Variants in ACBD6 observed in about 807,000 individuals in gnomAD.
ACBD6 encodes acyl-CoA binding domain containing 6.
ACBD6 carries 28 observed loss-of-function variants against 37.2 expected under a neutral mutation model. The ratio of observed to expected loss-of-function variants is 0.75; its 90% CI spans 0.56 to 1.03. ACBD6 has a LOEUF of 1.03. Among genes scored for constraint, ACBD6 ranks in the 50% least tolerant of loss-of-function variants. ACBD6 has a pLI of 0.00. For synonymous variants in ACBD6, 113 were observed against 126.8 expected, an observed-to-expected ratio of 0.89 and a Z score of 0.73; for missense variants, 340 against 337.4, an observed-to-expected ratio of 1.01 and a Z score of -0.06.
At chr1:180,278,316 T>G (rs1254474011) in intron 9 of ACBD6, 1 of 144,598 alleles carries the variant, frequency 6.9e-6, no homozygotes, top group Admixed American at 7.1e-5. Flanking sequence ...TGCTGAAAGC[T>G]AAATGAAAAG....
chr1:180,407,325 A>G (rs552519904), intron 5 of ACBD6, among the ~76,000 whole-genome samples: 3 of 152,350 alleles, frequency 2.0e-5, no homozygotes, highest in East Asian at 1.9e-4. Context: ...CTGCATGGTT[A>G]ACAAACTGGA....
In ACBD6 at chr1:180,319,469, C is replaced by A. The variant is rs374742309; in HGVS notation, c.664-4747G>T. Among the ~76,000 whole-genome samples the A allele has an allele frequency of 7.2e-4, 109 of 152,204 alleles. 4 individuals are homozygous for A. The South Asian group carries it at 0.022, about 31-fold the overall frequency. ...CATCATGATAAATGGGGTATCCATC[C>A]CCTCAAGCATTTATCCTTTGTGTTA... is the stretch of plus-strand genomic sequence containing the variant. On this transcript the variant is annotated intron_variant, in intron 6 of 7. Coordinates refer to ENST00000367595, the MANE Select transcript of ACBD6 (RefSeq NM_032360.4).
chr1:180,487,987 C>T (rs1312440828), intron 3 of ACBD6, among the ~76,000 whole-genome samples: 1 of 151,778 alleles, frequency 6.6e-6, no homozygotes, highest in African/African-American at 2.4e-5. Context: ...TAAGGAGGGA[C>T]CACTGCATAA....
At chr1:180,494,297 G>GA (rs1330833330) in intron 2 of ACBD6, among the ~76,000 whole-genome samples, 2 of 151,952 alleles carry the variant, frequency 1.3e-5, no homozygotes, top group Admixed American at 6.6e-5. Context: ...AAACAATGGA[G>GA]AAACAGGCAA....
intron 6 of ACBD6, among the ~76,000 whole-genome samples, chr1:180,388,019 C>CAA (rs71121016): frequency 9.3e-5 from 14 of 151,324 alleles, no homozygotes; most frequent in Non-Finnish European, 7.4e-5. Context: ...ACTAAAAATA[C>CAA]AAAAAAATTA....
At chr1:180,375,860 GCATGATGAAAGATAC>G (rs1653412134) in intron 6 of ACBD6, among the ~76,000 whole-genome samples, 1 of 152,092 alleles carries the variant, frequency 6.6e-6, no homozygotes, top group African/African-American at 2.4e-5. Context: ...AAAAGTTCTT[GCATGATGAAAGATAC>G]CATAAACAAA....
chr1:180,502,158 C>A lies in ACBD6; in HGVS notation c.109G>T (p.Glu37Ter), dbSNP rs1258408540. ...AGCTCGGCCAGGCAACTGGTCTCCT[C>A]GATCTCAGGGCTATGGGGGAACTCC... ...EVEFPHSPEI[E>*]ETSCLAELFE... Residue 37 changes from glutamate to a stop codon, truncating the protein, a stop_gained, in exon 1 of 8, where the codon GAG (glutamate) becomes TAG (stop). Transcript: ENST00000367595. LOFTEE classifies it high-confidence loss of function. 6.2e-7 allele frequency: 1 copy of A among 1,614,074 alleles called. No homozygotes were observed. The highest frequency in any genetic ancestry group is 8.5e-7 in the Non-Finnish European group (1 of 1,180,002).
intron 3 of ACBD6, among the ~76,000 whole-genome samples, chr1:180,443,809 G>C (rs1649378041): frequency 2.8e-5 from 4 of 144,086 alleles, no homozygotes; most frequent in Admixed American, 1.4e-4. Context: ...ATTTTTAGTA[G>C]AGACAGGGTT....
chr1:180,500,311 T>C (rs140860532), intron 1 of ACBD6, among the ~76,000 whole-genome samples: 22 of 152,280 alleles, frequency 1.4e-4, no homozygotes, highest in African/African-American at 4.8e-4. Context: ...TTCAAAGAGC[T>C]GTAATTTTCC....
chr1:180,448,249 C>G (rs1473859114), intron 3 of ACBD6, among the ~76,000 whole-genome samples: 1 of 152,112 alleles, frequency 6.6e-6, no homozygotes, highest in Non-Finnish European at 1.5e-5. Context: ...TAATTATTTT[C>G]ACCAATAATA....
intron 3 of ACBD6, among the ~76,000 whole-genome samples, chr1:180,476,022 G>A (rs956926660): frequency 3.3e-5 from 5 of 152,182 alleles, no homozygotes; most frequent in African/African-American, 1.2e-4. Flanking sequence ...CATTTATCAT[G>A]TCTAGGCACT....
downstream of ACBD6, among the ~76,000 whole-genome samples, chr1:180,283,662 T>A (rs1007021387): frequency 6.6e-6 from 1 of 152,136 alleles, no homozygotes; most frequent in Non-Finnish European, 1.5e-5. Flanking sequence ...TGTGAAATAA[T>A]TACATTTGTT....
intron 6 of ACBD6, among the ~76,000 whole-genome samples, chr1:180,369,279 C>T (rs757775999): frequency 6.6e-6 from 1 of 152,182 alleles, no homozygotes; most frequent in Non-Finnish European, 1.5e-5. Context: ...CCAAATGCAA[C>T]ACACTCCCTC....
At chr1:180,315,303 TTTCAG>T (rs1377286363) in intron 6 of ACBD6, among the ~76,000 whole-genome samples, 3 of 152,170 alleles carry the variant, frequency 2.0e-5, no homozygotes, top group Admixed American at 2.0e-4. Flanking sequence ...AATTCCAACA[TTTCAG>T]TTATTTTCCT....
intron 7 of ACBD6, among the ~76,000 whole-genome samples, chr1:180,295,271 A>T (rs1571326967): frequency 7.6e-6 from 1 of 131,960 alleles, no homozygotes. Context: ...GCATCCTGCA[A>T]TTTTTTTTTT....
chr1:180,318,999 G>A (rs985983524), intron 6 of ACBD6, among the ~76,000 whole-genome samples: 6 of 151,936 alleles, frequency 3.9e-5, no homozygotes, highest in Non-Finnish European at 8.8e-5. Context: ...ATTTTATTCT[G>A]CATTTCTGAG....
chr1:180,399,338 C>T (rs191196381), intron 5 of ACBD6, among the ~76,000 whole-genome samples: 4 of 152,176 alleles, frequency 2.6e-5, no homozygotes, highest in South Asian at 2.1e-4. Flanking sequence ...GCGGGATCTC[C>T]GCTTACTGCA....
chr1:180,501,981 T>C, intron 1 of ACBD6, 64 bp downstream of exon 1: 3 of 1,485,150 alleles, frequency 2.0e-6, no homozygotes, highest in Non-Finnish European at 2.8e-6. Context: ...ATGCTTGCTA[T>C]CAGTTGTTGA....
Position 180,327,702 on chromosome 1 carries a change from C to A in ACBD6, c.664-12980G>T, listed in dbSNP as rs565351926. The stretch of plus-strand genomic sequence containing the variant: ...ACTTAAACCCTTTAGAAGAATGTTC[C>A]CATTTATTTCCTACAGTGTGGAGTG... On this transcript the variant is annotated intron_variant, in intron 6 of 7. Transcript: ENST00000367595. 9.5e-4 allele frequency among the ~76,000 whole-genome samples: 144 copies of A among 152,072 alleles called. 1 individual carries two copies. The highest frequency in any genetic ancestry group is 3.3e-3 in the African/African-American group (136 of 41,472).
Sources: allele counts gnomAD v4.1 joint callset (sites outside exome capture counted in the v4.1 genomes callset), GRCh38; gene constraint gnomAD v4.1.1; transcripts MANE v1.5; gene names NCBI Gene and HGNC (gene_info 2026-07-23, HGNC 2026-07-21).